BAZ1B: variants seen among roughly 807,000 people sequenced by gnomAD.
The protein encoded by BAZ1B is tyrosine-protein kinase BAZ1B.
In BAZ1B, 22 loss-of-function variants were observed where a neutral mutation model predicts 153.8. The ratio of observed to expected loss-of-function variants is 0.14; its 90% CI spans 0.10 to 0.20. The LOEUF (loss-of-function observed/expected upper bound fraction) is 0.20, where lower values mean the gene tolerates loss of function less well. Among genes scored for constraint, BAZ1B ranks in the 10% least tolerant of loss-of-function variants. BAZ1B has a pLI of 1.00. For synonymous variants in BAZ1B, 676 were observed against 633.4 expected (o/e 1.07, Z -1.01); for missense variants, 1,325 against 1,799.3 (o/e 0.74, Z 4.77).
At chr7:73,497,065 C>CAAAAAAAAAAAAAAAAAAAAAAAA (rs1156829240) in intron 4 of BAZ1B, among the ~76,000 whole-genome samples, 8 of 49,498 alleles carry the variant, frequency 1.6e-4, no homozygotes, top group African/African-American at 6.2e-4. Flanking sequence ...CTGACCTCTA[C>CAAAAAAAAAAAAAAAAAAAAAAAA]AAAAAAAAAA....
chr7:73,474,695 A>T (rs954691673), intron 7 of BAZ1B, among the ~76,000 whole-genome samples: 1 of 152,222 alleles, frequency 6.6e-6, no homozygotes, highest in African/African-American at 2.4e-5. Context: ...GAATCACTTG[A>T]ACCCAGGAGG....
chr7:73,482,791 C>A (rs1225457617), intron 6 of BAZ1B, among the ~76,000 whole-genome samples: 1 of 152,096 alleles, frequency 6.6e-6, no homozygotes, highest in Non-Finnish European at 1.5e-5. Flanking sequence ...CAAGCCACAC[C>A]ATGTTTTTGT....
At chr7:73,442,590 TTGACGG>T in intron 18 of BAZ1B, 37 bp from the exon 19 acceptor site, 1 of 1,574,056 alleles carries the variant, frequency 6.4e-7, no homozygotes, top group South Asian at 1.2e-5. Context: ...CTGCACAGCC[TTGACGG>T]CAGTGCCCCT....
rs1787737433 is a variant in BAZ1B, at chr7:73,444,145, T to C, written c.3845-16A>G. ...CGAGGTCTCACTGAAAGAAAAACTATGGATTCAGCAGAGAACAACGGAAGG... is the reference window on the plus strand; with the variant it reads ...CGAGGTCTCACTGAAAGAAAAACTACGGATTCAGCAGAGAACAACGGAAGG... On this transcript the variant is annotated splice_polypyrimidine_tract_variant and intron_variant, in intron 16 of 19. Transcript: ENST00000339594. 2.5e-6 allele frequency: 4 copies of C among 1,585,340 alleles called. No homozygotes were observed. Among genetic ancestry groups the C allele is most frequent in the South Asian group, 2.3e-5 (2 of 87,896 alleles).
At chr7:73,452,360 G>A (rs1269944088) in intron 13 of BAZ1B, among the ~76,000 whole-genome samples, 5 of 152,100 alleles carry the variant, frequency 3.3e-5, no homozygotes, top group African/African-American at 9.7e-5. Flanking sequence ...GGCTGCTTCC[G>A]TATTTTGGTT....
intron 1 of BAZ1B, among the ~76,000 whole-genome samples, chr7:73,516,287 A>G (rs1366822495): frequency 1.3e-5 from 2 of 152,098 alleles, no homozygotes; most frequent in Non-Finnish European, 2.9e-5. Flanking sequence ...AGTAGCTGGG[A>G]CTACAGGCGC....
intron 6 of BAZ1B, among the ~76,000 whole-genome samples, chr7:73,488,023 C>G (rs1483203285): frequency 2.0e-5 from 3 of 151,966 alleles, no homozygotes; most frequent in Non-Finnish European, 4.4e-5. Flanking sequence ...GATAATTGAA[C>G]AAATTTAGTT....
intron 1 of BAZ1B, among the ~76,000 whole-genome samples, chr7:73,513,420 C>A (rs1790664605): frequency 6.6e-6 from 1 of 152,090 alleles, no homozygotes; most frequent in Admixed American, 6.6e-5. Flanking sequence ...GTAATAAATC[C>A]ATTTTCCTTA....
chr7:73,442,136 T>TACCCAACCCC, intron 19 of BAZ1B, 45 bp downstream of exon 19: 2 of 573,492 alleles, frequency 3.5e-6, no homozygotes, highest in East Asian at 3.0e-5. Context: ...CTCGCTCGCC[T>TACCCAACCCC]CCCTCCCACC....
chr7:73,454,086 C>T (rs1788109859), intron 13 of BAZ1B, among the ~76,000 whole-genome samples: 1 of 151,958 alleles, frequency 6.6e-6, no homozygotes, highest in South Asian at 2.1e-4. Flanking sequence ...AGCACTGGAG[C>T]CCAGGAGTTC....
At chr7:73,470,315 A>AGG in intron 8 of BAZ1B, 30 bp downstream of exon 8, 1 of 1,589,538 alleles carries the variant, frequency 6.3e-7, no homozygotes, top group Non-Finnish European at 8.6e-7. Flanking sequence ...ATAGTCCTAA[A>AGG]GAAAACAAAA....
At chr7:73,479,687 T>G (rs1392231279) in intron 6 of BAZ1B, among the ~76,000 whole-genome samples, 1 of 152,048 alleles carries the variant, frequency 6.6e-6, no homozygotes, top group African/African-American at 2.4e-5. Flanking sequence ...CTAACCCCCA[T>G]GTCTTGCTTT....
At chr7:73,469,200 A>G (rs1338329805) in intron 9 of BAZ1B, among the ~76,000 whole-genome samples, 3 of 152,114 alleles carry the variant, frequency 2.0e-5, no homozygotes, top group Non-Finnish European at 4.4e-5. Flanking sequence ...CCATACCTCA[A>G]TTTCAGCCCT....
At position 73,495,209 on chromosome 7, in the gene BAZ1B, T is replaced by G. The variant is rs1281195751; in HGVS notation, c.572-2288A>C. On this transcript the variant is annotated intron_variant, in intron 4 of 19. Transcript: ENST00000339594. The stretch of plus-strand genomic sequence containing the variant: ...GAAGCAGGAGAATCACTTGAACCCA[T>G]GAGGCGAAGGTTGCAGTGAGCCAAG... Among the ~76,000 whole-genome samples the G allele has an allele frequency of 3.3e-5, 5 of 152,226 alleles. No homozygotes were observed. In the South Asian group the frequency reaches 1.0e-3, roughly 32 times the overall value.
intron 1 of BAZ1B, among the ~76,000 whole-genome samples, chr7:73,517,525 A>G (rs892463341): frequency 5.9e-5 from 9 of 152,078 alleles, no homozygotes; most frequent in Admixed American, 3.3e-4. Flanking sequence ...AAAAAAAGGG[A>G]AAGCAAGAAA....
intron 6 of BAZ1B, among the ~76,000 whole-genome samples, chr7:73,482,179 C>T (rs1789228688): frequency 6.6e-6 from 1 of 152,156 alleles, no homozygotes; most frequent in African/African-American, 2.4e-5. Context: ...GATTACTTTC[C>T]CTAGATGCAG....
chr7:73,447,412 G>C (rs1426213469), intron 15 of BAZ1B, 33 bp from the exon 16 acceptor site: 18 of 1,586,894 alleles, frequency 1.1e-5, no homozygotes, highest in Non-Finnish European at 1.5e-5. Context: ...AGGGAACACA[G>C]TTTTAGCCCA....
At chr7:73,466,971 G>A (rs1272872558) in intron 9 of BAZ1B, among the ~76,000 whole-genome samples, 3 of 152,036 alleles carry the variant, frequency 2.0e-5, no homozygotes, top group Non-Finnish European at 4.4e-5. Flanking sequence ...TCGCTCTGTC[G>A]CCCAGGCTGG....
chr7:73,473,943 T>TG (rs1554572421), intron 7 of BAZ1B, among the ~76,000 whole-genome samples: 1 of 152,074 alleles, frequency 6.6e-6, no homozygotes, highest in East Asian at 1.9e-4. Context: ...CCAGCTTGGG[T>TG]GACAGAATGA....
Sources: allele counts gnomAD v4.1 joint callset (sites outside exome capture counted in the v4.1 genomes callset), GRCh38; gene constraint gnomAD v4.1.1; transcripts MANE v1.5; gene names NCBI Gene and HGNC (gene_info 2026-07-23, HGNC 2026-07-21).